The following SIPA1L1 variants were observed in gnomAD, a reference collection of about 807,000 sequenced individuals.
The protein encoded by SIPA1L1 is signal induced proliferation associated 1 like 1.
In SIPA1L1, 26 loss-of-function variants were observed where a neutral mutation model predicts 162.7. The ratio of observed to expected loss-of-function variants is 0.16; its 90% CI spans 0.12 to 0.22. SIPA1L1 has a LOEUF of 0.22. SIPA1L1 is among the 10% of genes least tolerant of loss of function. The pLI, the probability that SIPA1L1 is intolerant of heterozygous loss-of-function variation, is 1.00. For synonymous variants in SIPA1L1, 829 were observed against 837.4 expected, an observed-to-expected ratio of 0.99 and a Z score of 0.17; for missense variants, 1,874 against 2,241.0, an observed-to-expected ratio of 0.84 and a Z score of 3.31.
intron 2 of SIPA1L1, among the ~76,000 whole-genome samples, chr14:71,401,146 A>G (rs540403092): frequency 2.0e-5 from 3 of 152,300 alleles, no homozygotes; most frequent in Non-Finnish European, 2.9e-5. Context: ...AGCTTAAGCA[A>G]CATTTCAGAG....
At chr14:71,332,979 A>G (rs2034723043) in intron 2 of SIPA1L1, among the ~76,000 whole-genome samples, 1 of 152,224 alleles carries the variant, frequency 6.6e-6, no homozygotes, top group Admixed American at 6.5e-5. Flanking sequence ...TTAACTCTAA[A>G]ATATTTTAGT....
At chr14:71,323,554 GACCAT>G (rs1190005814) in intron 2 of SIPA1L1, among the ~76,000 whole-genome samples, 1 of 152,092 alleles carries the variant, frequency 6.6e-6, no homozygotes, top group African/African-American at 2.4e-5. Flanking sequence ...TTGGTTCACT[GACCAT>G]ATTAGATTTT....
At chr14:71,564,846 A>C (rs9323561) in intron 4 of SIPA1L1, among the ~76,000 whole-genome samples, 127,390 of 152,114 alleles carry the variant, frequency 0.84, 53,944 homozygotes, top group African/African-American at 0.95. Flanking sequence ...TGTAGCTGTC[A>C]ACTTAATAGT....
chr14:71,469,160 C>T (rs1476200535), intron 2 of SIPA1L1, among the ~76,000 whole-genome samples: 1 of 151,286 alleles, frequency 6.6e-6, no homozygotes, highest in East Asian at 1.9e-4. Flanking sequence ...GATAACTTCC[C>T]CAACCTCTCT....
chr14:71,542,370 GC>G (rs1595992278), intron 4 of SIPA1L1, among the ~76,000 whole-genome samples: 1 of 126,738 alleles, frequency 7.9e-6, no homozygotes, highest in African/African-American at 3.0e-5. Context: ...TCTTCTTCCT[GC>G]TGCTGCTGCT....
At chr14:71,363,877 A>G (rs1239538756) in intron 2 of SIPA1L1, among the ~76,000 whole-genome samples, 2 of 152,124 alleles carry the variant, frequency 1.3e-5, no homozygotes, top group Non-Finnish European at 2.9e-5. Flanking sequence ...GATCAGCCTT[A>G]ATCAGATCCT....
intron 11 of SIPA1L1, among the ~76,000 whole-genome samples, chr14:71,672,093 C>T (rs1368229943): frequency 6.6e-6 from 1 of 152,178 alleles, no homozygotes; most frequent in Non-Finnish European, 1.5e-5. Flanking sequence ...TTTCTATTTA[C>T]TGCCAGCTCC....
Position 71,738,290 on chromosome 14 carries a change from G to A in SIPA1L1, c.5173G>A (p.Gly1725Ser). The change falls in exon 23 of 24, where the codon GGT (glycine) becomes AGT (serine). Residue 1725 changes from glycine (G) to serine (S), a missense_variant. Physicochemically the swap from Gly to Ser is moderately conservative, Grantham distance 56 (BLOSUM62 0). Around this residue, in one of 5 missense-constraint regions of SIPA1L1, gnomAD observed 936 missense variants for 1,051.9 expected, o/e 0.89. Transcript: ENST00000381232. ...TLASKVDQLE[G>S]MLKMLREDLK... ...GGCTTCTAAAGTGGACCAGCTGGAA[G>A]GTATGCTGAAGATGCTTCGGGAAGA... 6.2e-7 allele frequency: 1 copy of A among 1,613,700 alleles called. No homozygotes were observed. The highest frequency in any genetic ancestry group is 8.5e-7 in the Non-Finnish European group (1 of 1,179,732).
At chr14:71,513,280 A>T (rs1327119217) in intron 3 of SIPA1L1, among the ~76,000 whole-genome samples, 2 of 151,926 alleles carry the variant, frequency 1.3e-5, no homozygotes, top group African/African-American at 4.8e-5. Context: ...CAAGAATTGG[A>T]CACTTGGTTG....
At chr14:71,619,508 A>C (rs1437321315) in intron 6 of SIPA1L1, among the ~76,000 whole-genome samples, 2 of 152,134 alleles carry the variant, frequency 1.3e-5, no homozygotes, top group Admixed American at 6.5e-5. Flanking sequence ...TTGGGCTAAA[A>C]AAAAAAGACA....
intron 7 of SIPA1L1, among the ~76,000 whole-genome samples, chr14:71,629,139 G>C (rs1403962901): frequency 2.0e-5 from 3 of 152,000 alleles, no homozygotes; most frequent in African/African-American, 7.3e-5. Context: ...GGGTTCCACC[G>C]TGTTAGCCAG....
At position 71,354,592 on chromosome 14, in the gene SIPA1L1, T is replaced by TA. The variant is rs79840455; in HGVS notation, c.-465+33425dup. ...GCGCCTGGCCCGATACTTCATTTCTTAAAAAAAAAAAAAAGACTGTGTGTG... is the reference window on the plus strand; with the variant it reads ...GCGCCTGGCCCGATACTTCATTTCTTAAAAAAAAAAAAAAAGACTGTGTGTG... On this transcript the variant is annotated intron_variant, in intron 2 of 23. Transcript: ENST00000381232. Among the ~76,000 whole-genome samples the TA allele has an allele frequency of 8.7e-3, 1,234 of 141,100 alleles. 7 individuals carry two copies. Among genetic ancestry groups the TA allele is most frequent in the Non-Finnish European group, 0.013 (846 of 64,510 alleles). 92.6% of individuals were successfully genotyped at this position (141,100 alleles called of 152,430 possible).
At chr14:71,611,430 A>T (rs539561982) in intron 5 of SIPA1L1, among the ~76,000 whole-genome samples, 1 of 147,560 alleles carries the variant, frequency 6.8e-6, no homozygotes, top group Non-Finnish European at 1.5e-5. Flanking sequence ...GTTCTAGGAT[A>T]CATGTGCAGG....
intron 13 of SIPA1L1, 108 bp from the exon 14 acceptor site, chr14:71,698,873 C>A: frequency 1.0e-6 from 1 of 998,946 alleles, no homozygotes. Flanking sequence ...TTCACTATCT[C>A]CATGAAGTCA....
At chr14:71,557,503 G>A (rs2056448287) in intron 4 of SIPA1L1, among the ~76,000 whole-genome samples, 1 of 152,190 alleles carries the variant, frequency 6.6e-6, no homozygotes, top group African/African-American at 2.4e-5. Context: ...TCTGCACAAA[G>A]GGGCCACTTG....
intron 2 of SIPA1L1, among the ~76,000 whole-genome samples, chr14:71,468,425 G>A (rs1045561261): frequency 7.2e-5 from 11 of 152,304 alleles, no homozygotes; most frequent in South Asian, 4.1e-4. Context: ...TACAATCATG[G>A]TGGAAGGCAA....
chr14:71,526,761 A>G (rs1481731170), intron 3 of SIPA1L1, among the ~76,000 whole-genome samples: 1 of 152,186 alleles, frequency 6.6e-6, no homozygotes, highest in Non-Finnish European at 1.5e-5. Flanking sequence ...GCTCTATAAT[A>G]TTCCATTATA....
At chr14:71,618,943 T>A (rs1484382282) in intron 6 of SIPA1L1, 56 bp downstream of exon 6, 1 of 1,576,628 alleles carries the variant, frequency 6.3e-7, no homozygotes, top group Non-Finnish European at 8.7e-7. Context: ...AGAAAGCAAA[T>A]AGTAGCAGTA....
In SIPA1L1 at chr14:71,351,467, C is replaced by G. The variant is rs909857949; in HGVS notation, c.-465+30286C>G. Among the ~76,000 whole-genome samples, 11 of 152,286 alleles carry G rather than the reference C, an allele frequency of 7.2e-5. 1 individual carries two copies. The South Asian group carries it at 1.7e-3, about 23-fold the overall frequency. ...AAAATGGAATTAAATCCCTTTGTTA[C>G]TTTTATTTGCTTCTAAACTCAGTAT... On this transcript the variant is annotated intron_variant, in intron 2 of 23. Coordinates refer to ENST00000381232, the MANE Select transcript of SIPA1L1 (RefSeq NM_001386936.1).
Sources: allele counts gnomAD v4.1 joint callset (sites outside exome capture counted in the v4.1 genomes callset), GRCh38; gene constraint gnomAD v4.1.1; regional missense constraint gnomAD v4.1.1; transcripts MANE v1.5; gene names NCBI Gene and HGNC (gene_info 2026-07-23, HGNC 2026-07-21).